The following DAB1 variants were observed in gnomAD, a reference collection of about 807,000 sequenced individuals.
DAB1 encodes DAB adaptor protein 1.
A neutral mutation model predicts 64.6 loss-of-function variants in DAB1; 15 were observed. The observed-to-expected ratio is 0.23, with a 90% CI of 0.16 to 0.36. The LOEUF (loss-of-function observed/expected upper bound fraction) is 0.36. Ranked by LOEUF, DAB1 falls within the 10% of genes least tolerant of loss-of-function variation. The pLI, the probability that DAB1 is intolerant of heterozygous loss-of-function variation, is 1.00. For missense variants in DAB1, 596 were observed against 706.7 expected (o/e 0.84, Z 1.78); for synonymous variants, 235 against 251.9 (o/e 0.93, Z 0.64).
At chr1:57,300,285 G>C (rs904825723) in intron 1 of DAB1, among the ~76,000 whole-genome samples, 7 of 152,176 alleles carry the variant, frequency 4.6e-5, no homozygotes, top group African/African-American at 1.7e-4. Context: ...AAATTATTAG[G>C]GAGGGAAAAA....
chr1:57,071,497 C>T (rs769700036), intron 6 of DAB1, 25 bp downstream of exon 6: 7 of 1,599,570 alleles, frequency 4.4e-6, no homozygotes, highest in East Asian at 2.2e-5. Context: ...CGATCTCCAG[C>T]GCAAGGATAA....
intron 7 of DAB1, among the ~76,000 whole-genome samples, chr1:57,470,554 T>G (rs1687101218): frequency 1.3e-5 from 2 of 152,178 alleles, no homozygotes; most frequent in Admixed American, 6.5e-5. Flanking sequence ...TTTGGTTACT[T>G]GTGTATCATG....
At chr1:57,682,056 G>A (rs1317901933) in intron 6 of DAB1, among the ~76,000 whole-genome samples, 1 of 152,102 alleles carries the variant, frequency 6.6e-6, no homozygotes, top group African/African-American at 2.4e-5. Flanking sequence ...GCAGCCAGGG[G>A]TGATTAGAGA....
chr1:57,662,910 C>G (rs1199222384), intron 6 of DAB1, among the ~76,000 whole-genome samples: 1 of 152,208 alleles, frequency 6.6e-6, no homozygotes, highest in Non-Finnish European at 1.5e-5. Flanking sequence ...ATTTTAGCAT[C>G]ATTCTGCAAT....
At chr1:57,036,720 C>A (rs1557599814) in intron 9 of DAB1, among the ~76,000 whole-genome samples, 1 of 152,136 alleles carries the variant, frequency 6.6e-6, no homozygotes, top group Admixed American at 6.5e-5. Flanking sequence ...TTACTCGCAA[C>A]TTAAGCTTCC....
chr1:57,626,935 C>T (rs1342011869), intron 7 of DAB1, among the ~76,000 whole-genome samples: 1 of 152,160 alleles, frequency 6.6e-6, no homozygotes, highest in Admixed American at 6.5e-5. Context: ...TCCTTTGTGC[C>T]ATGTGTGATG....
intron 5 of DAB1, among the ~76,000 whole-genome samples, chr1:58,119,777 G>A (rs955865499): frequency 2.0e-5 from 3 of 152,184 alleles, no homozygotes; most frequent in Non-Finnish European, 4.4e-5. Flanking sequence ...CACGTTTCCA[G>A]TCATTGCTTT....
chr1:58,300,416 G>A (rs1211752982), intron 4 of DAB1, among the ~76,000 whole-genome samples: 5 of 151,408 alleles, frequency 3.3e-5, no homozygotes, highest in Non-Finnish European at 7.4e-5. Context: ...GCGTAGTGGC[G>A]GGTGCCTGTA....
intron 7 of DAB1, among the ~76,000 whole-genome samples, chr1:57,609,127 G>A (rs1645695166): frequency 1.3e-5 from 2 of 152,072 alleles, no homozygotes; most frequent in Non-Finnish European, 1.5e-5. Flanking sequence ...ATAGGCATTT[G>A]CATTTGTAAT....
At chr1:58,514,074 C>T (rs1646123094) in intron 2 of DAB1, among the ~76,000 whole-genome samples, 1 of 152,150 alleles carries the variant, frequency 6.6e-6, no homozygotes, top group Non-Finnish European at 1.5e-5. Flanking sequence ...ACATAGTGGA[C>T]ACTATTTCTA....
intron 2 of DAB1, among the ~76,000 whole-genome samples, chr1:57,158,025 G>A (rs112042018): frequency 7.2e-5 from 11 of 152,218 alleles, no homozygotes; most frequent in East Asian, 3.9e-4. Flanking sequence ...TTTAAATCAC[G>A]GTATGCTACT....
At chr1:57,039,541 A>G (rs3768205) in intron 9 of DAB1, among the ~76,000 whole-genome samples, 72,264 of 151,920 alleles carry the variant, frequency 0.48, 17,574 homozygotes, top group African/African-American at 0.58. Flanking sequence ...AGCAGCTCCT[A>G]CTCTTGGACC....
At chr1:57,948,675 T>G (rs1417428950) in intron 5 of DAB1, among the ~76,000 whole-genome samples, 1 of 152,240 alleles carries the variant, frequency 6.6e-6, no homozygotes. Context: ...TCAGGGCTGA[T>G]GAGATTCAGT....
intron 6 of DAB1, among the ~76,000 whole-genome samples, chr1:57,650,560 A>C (rs1172250459): frequency 6.6e-6 from 1 of 152,222 alleles, no homozygotes; most frequent in East Asian, 1.9e-4. Context: ...TTGTATAACA[A>C]AATTGTTGAT....
At chr1:57,847,831 A>C (rs1267669901) in intron 1 of DAB1, among the ~76,000 whole-genome samples, 1 of 152,218 alleles carries the variant, frequency 6.6e-6, no homozygotes, top group Non-Finnish European at 1.5e-5. Context: ...AGTTATGTAT[A>C]TATCTTTTAA....
rs1646879352 is a variant in DAB1, at chr1:57,699,144, T to G, written n.552-49479A>C. On this transcript the variant is annotated intron_variant and non_coding_transcript_variant, in intron 6 of 20. Transcript: ENST00000485760. ...TTAGTAGACACGGGGTATCACTATA[T>G]TGTCCAGGCTGGTCTTGAATTCCTG... is the stretch of plus-strand genomic sequence containing the variant. Among the ~76,000 whole-genome samples the G allele has an allele frequency of 3.3e-5, 5 of 152,290 alleles. No individual in the cohort carries two copies. In the South Asian group the frequency reaches 1.0e-3, roughly 32 times the overall value.
At chr1:57,626,562 C>A (rs1053670874) in intron 7 of DAB1, among the ~76,000 whole-genome samples, 4 of 152,118 alleles carry the variant, frequency 2.6e-5, no homozygotes, top group Admixed American at 6.6e-5. Flanking sequence ...ACAACCTTCC[C>A]CTGTGTCTTA....
chr1:57,668,595 C>T (rs959629569), intron 6 of DAB1, among the ~76,000 whole-genome samples: 1 of 152,062 alleles, frequency 6.6e-6, no homozygotes, highest in African/African-American at 2.4e-5. Flanking sequence ...CATTCCCCAA[C>T]CAAAGGACAG....
intron 2 of DAB1, among the ~76,000 whole-genome samples, chr1:57,208,919 G>A (rs1665799180): frequency 6.6e-6 from 1 of 152,186 alleles, no homozygotes; most frequent in African/African-American, 2.4e-5. Context: ...TTCAGGCCAA[G>A]ACACAAGGAA....
Sources: allele counts gnomAD v4.1 joint callset (sites outside exome capture counted in the v4.1 genomes callset), GRCh38; gene constraint gnomAD v4.1.1; transcripts MANE v1.5; gene names NCBI Gene and HGNC (gene_info 2026-07-23, HGNC 2026-07-21).